Variants in WDR54 observed in about 807,000 individuals in gnomAD.
WDR54 encodes WD repeat domain 54, also known as WD repeat-containing protein 54.
Under a neutral mutation model 44.1 loss-of-function variants are expected in WDR54, and 44 were observed. The ratio of observed to expected loss-of-function variants is 1.00; its 90% CI spans 0.78 to 1.28. The LOEUF (loss-of-function observed/expected upper bound fraction) is 1.28, where lower values mean the gene tolerates loss of function less well. Among genes scored for constraint, WDR54 ranks in the 50% most tolerant of loss-of-function variants. The pLI, the probability that WDR54 is intolerant of heterozygous loss-of-function variation, is 0.00. For missense variants in WDR54, 409 were observed against 429.7 expected (o/e 0.95, Z 0.43); for synonymous variants, 169 against 169.8 (o/e 1.00, Z 0.04).
chr2:74,423,919 C>T lies in WDR54; in HGVS notation c.471C>T (p.Ser157=), dbSNP rs780572333. The T allele has an allele frequency of 1.2e-5, 19 of 1,613,980 alleles. No individual in the cohort carries two copies. Among genetic ancestry groups the T allele is most frequent in the African/African-American group, 6.7e-5 (5 of 74,894 alleles). Residue 157 remains serine (S), a synonymous_variant, in exon 6 of 10, where the codon AGC becomes AGT. Transcript: ENST00000348227. The stretch of plus-strand genomic sequence containing the variant: ...CAAAGGGTCCCAACATTGTACTGAG[C>T]GAGGAGCTGGCTGGGCACCAGATGC... ...IPAKGPNIVL[S]EELAGHQMPI... is the part of the protein sequence containing the mutation.
In WDR54 at chr2:74,425,496, G is replaced by A; in HGVS notation, c.873+5G>A. ...CCAGAGAGTGGCTACATTGAGGTAT[G>A]TGTCATGGGGTGGGTGGAATGGGGG... On this transcript the variant is annotated splice_donor_5th_base_variant and intron_variant, in intron 9 of 9. Coordinates refer to ENST00000348227, the MANE Select transcript of WDR54 (RefSeq NM_032118.4). The A allele has an allele frequency of 6.2e-7, 1 of 1,614,212 alleles. No individual in the cohort carries two copies. Among genetic ancestry groups the A allele is most frequent in the South Asian group, 1.1e-5 (1 of 91,084 alleles).
At chr2:74,424,166 A>C (rs1280177246) in intron 6 of WDR54, among the ~76,000 whole-genome samples, 184 bp downstream of exon 6, 1 of 152,246 alleles carries the variant, frequency 6.6e-6, no homozygotes, top group Non-Finnish European at 1.5e-5. Flanking sequence ...GTAGTATTTT[A>C]TAGTTAATTA....
chr2:74,423,052 C>T (rs1459549297), intron 3 of WDR54, 120 bp downstream of exon 3: 4 of 1,069,796 alleles, frequency 3.7e-6, no homozygotes, highest in Non-Finnish European at 5.6e-6. Flanking sequence ...GGCCCACTCA[C>T]TCTTTTTCTA....
rs1239759143 is a variant in WDR54, at chr2:74,422,306, T to C, written c.153T>C (p.Gly51=). The C allele has an allele frequency of 6.2e-7, 1 of 1,614,134 alleles. No homozygotes were observed. The highest frequency in any genetic ancestry group is 8.5e-7 in the Non-Finnish European group (1 of 1,180,020). The change falls in exon 2 of 10, where the codon GGT becomes GGC. Residue 51 remains glycine, a synonymous_variant. Coordinates refer to ENST00000348227, the MANE Select transcript of WDR54 (RefSeq NM_032118.4). ...SAQLLSAAPE[G]VPLAQRQLHA... is the part of the protein sequence containing the mutation. The stretch of plus-strand genomic sequence containing the variant: ...AGCTTCTCAGCGCTGCTCCTGAGGG[T>C]GTGCCCTTGGCCCAGCGCCAGCTCC...
chr2:74,422,573 T>C, intron 2 of WDR54, 198 bp downstream of exon 2: 1 of 678,634 alleles, frequency 1.5e-6, no homozygotes, highest in Non-Finnish European at 2.4e-6. Flanking sequence ...GACGGGCACT[T>C]GAGGCCAGGA....
Position 74,425,671 on chromosome 2 carries a change from T to G in WDR54, c.975T>G (p.Leu325=). The change falls in exon 10 of 10, where the codon CTT becomes CTG. Residue 325 remains leucine (L), a synonymous_variant. Transcript: ENST00000348227. ...GNSFAVTGYD[L]AEIRRFSSV ...CCTTTGCTGTGACTGGCTATGACCT[T>G]GCGGAGATCCGGAGATTCAGCAGTG... 2.5e-6 allele frequency: 4 copies of G among 1,614,232 alleles called. No homozygotes were observed. The highest frequency in any genetic ancestry group is 3.4e-6 in the Non-Finnish European group (4 of 1,180,034).
At position 74,424,867 on chromosome 2, in the gene WDR54, C is replaced by G; in HGVS notation, c.535-8C>G. ...AAAGGGAAGGGTTGATCTTGCCTTTCCCTTCAGGATTGTGTGGCTGACATG... is the reference window on the plus strand; with the variant it reads ...AAAGGGAAGGGTTGATCTTGCCTTTGCCTTCAGGATTGTGTGGCTGACATG... On this transcript the variant is annotated splice_region_variant and splice_polypyrimidine_tract_variant and intron_variant, in intron 6 of 9. Coordinates refer to ENST00000348227, the MANE Select transcript of WDR54 (RefSeq NM_032118.4). 3 of 1,614,172 alleles carry G rather than the reference C, an allele frequency of 1.9e-6. No individual in the cohort carries two copies. Among genetic ancestry groups the G allele is most frequent in the Non-Finnish European group, 2.5e-6 (3 of 1,180,016 alleles).
intron 1 of WDR54, 97 bp from the exon 2 acceptor site, chr2:74,422,056 C>T: frequency 7.7e-7 from 1 of 1,291,022 alleles, no homozygotes; most frequent in Non-Finnish European, 1.1e-6. Context: ...GACCCAGTCT[C>T]AGGCATCTTC....
rs560265786 is a variant in WDR54, at chr2:74,423,742, G to C, written c.407-113G>C. On this transcript the variant is annotated intron_variant, in intron 5 of 9. Coordinates refer to ENST00000348227, the MANE Select transcript of WDR54 (RefSeq NM_032118.4). ...ATGAAGGGGCATGGCCGTTGGAGCA[G>C]TGAGAGGGGGTTTTGTTACTAAGGT... The C allele has an allele frequency of 1.9e-4, 289 of 1,522,170 alleles. 3 individuals carry two copies. In the African/African-American group the frequency reaches 3.6e-3, roughly 19 times the overall value. 94.3% of individuals were successfully genotyped at this position (1,522,170 alleles called of 1,614,324 possible). A position where few individuals can be genotyped will look rare whatever the true frequency, so the allele number is the denominator to read the frequency against.
chr2:74,421,938 C>G (rs766193347), intron 1 of WDR54, 122 bp downstream of exon 1: 78 of 619,188 alleles, frequency 1.3e-4, no homozygotes, highest in Non-Finnish European at 1.7e-4. Context: ...TGTGTCATCC[C>G]CATTCCTCCT....
chr2:74,423,143 T>C lies in WDR54; in HGVS notation c.286-176T>C, dbSNP rs1341539054. The stretch of plus-strand genomic sequence containing the variant: ...CTGCCCCTTTACTAGCTGTATGTCC[T>C]TACACTATTAACTTCTCACTCTCAC... On this transcript the variant is annotated intron_variant, in intron 3 of 9. Transcript: ENST00000348227. 8.0e-6 allele frequency: 7 copies of C among 876,296 alleles called. No homozygotes were observed. The African/African-American group carries it at 1.2e-4, about 15-fold the overall frequency. The allele number at this position is 876,296 out of a possible 1,614,324, so 54.3% of individuals were successfully genotyped here. A position where few individuals can be genotyped will look rare whatever the true frequency, so the allele number is the denominator to read the frequency against.
rs200440850 is a variant in WDR54, at chr2:74,425,600, G to A, written c.904G>A (p.Asp302Asn). The change falls in exon 10 of 10, where the codon GAC (aspartate) becomes AAC (asparagine). Residue 302 changes from aspartate to asparagine, a missense_variant. Transcript: ENST00000348227. ...VEHCHGECVA[D>N]TQLCGARFCD... ...ACACTGTCATGGTGAGTGTGTCGCCGACACCCAGCTGTGTGGTGCTCGATT... is the reference window on the plus strand; with the variant it reads ...ACACTGTCATGGTGAGTGTGTCGCCAACACCCAGCTGTGTGGTGCTCGATT... 8.1e-6 allele frequency: 13 copies of A among 1,614,184 alleles called. No homozygotes were observed. The highest frequency in any genetic ancestry group is 4.5e-5 in the East Asian group (2 of 44,884).
intron 2 of WDR54, 74 bp from the exon 3 acceptor site, chr2:74,422,796 A>G: frequency 9.0e-7 from 1 of 1,107,254 alleles, no homozygotes; most frequent in East Asian, 2.7e-5. Context: ...CCGTCCCCCA[A>G]AAAAAAAAAA....
chr2:74,423,771 T>A, intron 5 of WDR54, 84 bp from the exon 6 acceptor site: 3 of 1,570,692 alleles, frequency 1.9e-6, no homozygotes, highest in Non-Finnish European at 2.6e-6. Flanking sequence ...CTAAGGTTTC[T>A]GGGATGGAGT....
rs753985640 is a variant in WDR54 at position 74,425,206 on chromosome 2, G to A, written c.767G>A (p.Cys256Tyr). ...VQINAHARAI[C>Y]ALDLASEVGK... ...ATCAATGCCCATGCCCGGGCCATCT[G>A]CGCCCTGGACCTGGCTTCTGAGGTG... The change falls in exon 8 of 10, where the codon TGC (cysteine) becomes TAC (tyrosine). Residue 256 changes from cysteine (C) to tyrosine (Y), a missense_variant. Physicochemically the swap from Cys to Tyr is radical, Grantham distance 194. Coordinates refer to ENST00000348227, the MANE Select transcript of WDR54 (RefSeq NM_032118.4). The A allele has an allele frequency of 6.5e-7, 1 of 1,534,786 alleles. No individual in the cohort carries two copies. The highest frequency in any genetic ancestry group is 1.3e-5 in the South Asian group (1 of 78,226).
Position 74,422,850 on chromosome 2 carries a change from A to G in WDR54, c.223-20A>G. The G allele has an allele frequency of 6.2e-7, 1 of 1,609,690 alleles. No homozygotes were observed. Among genetic ancestry groups the G allele is most frequent in the Non-Finnish European group, 8.5e-7 (1 of 1,177,550 alleles). On this transcript the variant is annotated intron_variant, in intron 2 of 9. Transcript: ENST00000348227. ...TTCCCTGCTTTGATTTTCTCCCTACACTGATGCACCTCCCTCCAGGTCCAC... is the reference window on the plus strand; with the variant it reads ...TTCCCTGCTTTGATTTTCTCCCTACGCTGATGCACCTCCCTCCAGGTCCAC...
At chr2:74,422,807 A>AAAC in intron 2 of WDR54, 63 bp from the exon 3 acceptor site, 4 of 1,453,068 alleles carry the variant, frequency 2.8e-6, no homozygotes, top group African/African-American at 1.5e-5. Flanking sequence ...AAAAAAAAAA[A>AAAC]AAACAAACAA....
intron 2 of WDR54, chr2:74,422,651 G>A: frequency 1.6e-6 from 1 of 611,766 alleles, no homozygotes. Context: ...AAATTAACCG[G>A]GTGTGGTGGC....
chr2:74,421,948 T>A (rs1573220115), intron 1 of WDR54, 132 bp downstream of exon 1: 1 of 620,740 alleles, frequency 1.6e-6, no homozygotes. Flanking sequence ...CCATTCCTCC[T>A]CTGCGATTCC....
Sources: gnomAD v4.1 joint callset for allele counts (sites outside exome capture counted in the v4.1 genomes callset) on GRCh38, gnomAD v4.1.1 for gene constraint, MANE v1.5 for transcripts, NCBI Gene and HGNC (gene_info 2026-07-23, HGNC 2026-07-21) for gene names.